Variants in SUMF1 observed in about 807,000 individuals in gnomAD.
The protein encoded by SUMF1 is sulfatase modifying factor 1.
SUMF1 carries 48 observed loss-of-function variants against 47.6 expected under a neutral mutation model. That is an observed-to-expected ratio of 1.01 (90% CI 0.80 to 1.28). SUMF1 has a LOEUF of 1.28. Among genes scored for constraint, SUMF1 ranks in the 50% most tolerant of loss-of-function variants. The pLI is 0.00. For synonymous variants in SUMF1, 230 were observed against 192.1 expected (o/e 1.20, Z -1.63); for missense variants, 571 against 485.4 (o/e 1.18, Z -1.66).
At chr3:4,184,501 C>A (rs1302893084) in intron 8 of SUMF1, among the ~76,000 whole-genome samples, 2 of 151,744 alleles carry the variant, frequency 1.3e-5, no homozygotes, top group Non-Finnish European at 2.9e-5. Context: ...GCAAAAGAGT[C>A]GATTCTTACA....
At chr3:4,461,853 T>A (rs554267000) in intron 1 of SUMF1, among the ~76,000 whole-genome samples, 1 of 152,296 alleles carries the variant, frequency 6.6e-6, no homozygotes, top group Non-Finnish European at 1.5e-5. Flanking sequence ...CAAAGCCACA[T>A]AAAAAGGACC....
chr3:4,141,481 T>C (rs1056386917), intron 8 of SUMF1, among the ~76,000 whole-genome samples: 2 of 152,100 alleles, frequency 1.3e-5, no homozygotes, highest in Non-Finnish European at 2.9e-5. Context: ...CAGGTGTGCC[T>C]GAAAATCCGA....
At chr3:4,454,643 T>C (rs1703093140) in intron 1 of SUMF1, among the ~76,000 whole-genome samples, 1 of 152,216 alleles carries the variant, frequency 6.6e-6, no homozygotes, top group Non-Finnish European at 1.5e-5. Context: ...CATAGCAGCA[T>C]TATTCATAAT....
At chr3:4,368,526 A>T (rs6777233) in intron 8 of SUMF1, among the ~76,000 whole-genome samples, 6,316 of 152,150 alleles carry the variant, frequency 0.042, 163 homozygotes, top group African/African-American at 0.064. Flanking sequence ...TGCTATAAAG[A>T]CACATGCACA....
At chr3:4,261,613 G>A (rs1056107026) in intron 8 of SUMF1, among the ~76,000 whole-genome samples, 14 of 152,194 alleles carry the variant, frequency 9.2e-5, no homozygotes, top group African/African-American at 3.4e-4. Flanking sequence ...TGTAACTGGA[G>A]CTGTGATATG....
At chr3:4,091,700 A>G (rs1355603278) in intron 8 of SUMF1, among the ~76,000 whole-genome samples, 2 of 152,128 alleles carry the variant, frequency 1.3e-5, no homozygotes, top group South Asian at 2.1e-4. Flanking sequence ...AAATTCTGCC[A>G]GACTTGGCAG....
chr3:4,251,737 C>G (rs547706856), intron 8 of SUMF1, among the ~76,000 whole-genome samples: 45 of 152,248 alleles, frequency 3.0e-4, no homozygotes, highest in Admixed American at 2.4e-3. Flanking sequence ...GCTGTTTTAC[C>G]TACATTGAAA....
intron 2 of SUMF1, among the ~76,000 whole-genome samples, chr3:4,450,515 T>C (rs1283478811): frequency 2.6e-5 from 4 of 152,190 alleles, no homozygotes; most frequent in Admixed American, 6.5e-5. Flanking sequence ...CTAAGCCATT[T>C]AGTTATTCAA....
chr3:4,247,288 A>C (rs1351407667), intron 8 of SUMF1, among the ~76,000 whole-genome samples: 1 of 152,228 alleles, frequency 6.6e-6, no homozygotes, highest in African/African-American at 2.4e-5. Context: ...TTCTTGGCCC[A>C]GTCTACTCTG....
rs139519168 is a variant in SUMF1, at chr3:4,325,236, A to C, written c.1014+51094T>G. On this transcript the variant is annotated intron_variant and NMD_transcript_variant, in intron 8 of 12. Coordinates refer to the SUMF1 transcript ENST00000448413. ...CACCCCTGTTCTTCAAAATATTTCAAAGAAAGTACTGTAGAAGAAAATAAA... is the reference window on the plus strand; with the variant it reads ...CACCCCTGTTCTTCAAAATATTTCACAGAAAGTACTGTAGAAGAAAATAAA... Among the ~76,000 whole-genome samples, 183 of 152,220 alleles carry C rather than the reference A, an allele frequency of 1.2e-3. 5 individuals are homozygous for C. The East Asian group carries it at 0.031, about 26-fold the overall frequency.
intron 7 of SUMF1, among the ~76,000 whole-genome samples, chr3:4,388,564 T>C (rs778081806): frequency 2.6e-5 from 4 of 152,078 alleles, no homozygotes; most frequent in Non-Finnish European, 4.4e-5. Context: ...TTTAATATAA[T>C]TATTGGTATG....
chr3:4,418,920 T>C (rs1209079921), intron 4 of SUMF1, among the ~76,000 whole-genome samples: 2 of 152,244 alleles, frequency 1.3e-5, no homozygotes, highest in Non-Finnish European at 2.9e-5. Flanking sequence ...TGCTCACTTT[T>C]TTAAAAGTGG....
intron 8 of SUMF1, among the ~76,000 whole-genome samples, chr3:4,246,802 CCTTT>C (rs1696682464): frequency 6.6e-6 from 1 of 152,062 alleles, no homozygotes; most frequent in Non-Finnish European, 1.5e-5. Flanking sequence ...CAAATCTTGA[CCTTT>C]CTATGTTTCC....
chr3:4,164,887 C>G (rs573477662), intron 8 of SUMF1, among the ~76,000 whole-genome samples: 15 of 152,244 alleles, frequency 9.9e-5, no homozygotes, highest in Non-Finnish European at 1.9e-4. Context: ...TAAGGCCTCC[C>G]ATAGCCACTC....
chr3:4,331,942 A>G (rs1037564314), intron 8 of SUMF1, among the ~76,000 whole-genome samples: 2 of 152,252 alleles, frequency 1.3e-5, no homozygotes, highest in African/African-American at 2.4e-5. Flanking sequence ...TAGAGATAGT[A>G]TCTAATCAAT....
chr3:4,358,836 C>G (rs1699679555), downstream of SUMF1, among the ~76,000 whole-genome samples: 1 of 152,130 alleles, frequency 6.6e-6, no homozygotes, highest in African/African-American at 2.4e-5. Flanking sequence ...CCATTAGAAG[C>G]ATATGTCCTG....
At chr3:4,137,988 C>T (rs1009012913) in intron 8 of SUMF1, among the ~76,000 whole-genome samples, 10 of 151,772 alleles carry the variant, frequency 6.6e-5, no homozygotes, top group Non-Finnish European at 1.2e-4. Context: ...ATTCAATATG[C>T]AAGATTTAAT....
At chr3:4,350,737 T>C (rs1352291648) in intron 8 of SUMF1, among the ~76,000 whole-genome samples, 1 of 152,108 alleles carries the variant, frequency 6.6e-6, no homozygotes, top group Non-Finnish European at 1.5e-5. Context: ...TCTCTTCACC[T>C]CTGCAGGTCA....
At chr3:4,101,374 T>C (rs1693029026) in intron 8 of SUMF1, among the ~76,000 whole-genome samples, 1 of 152,112 alleles carries the variant, frequency 6.6e-6, no homozygotes, top group Admixed American at 6.6e-5. Flanking sequence ...GCCTGCATTA[T>C]ATTAAGTAAA....
Sources: gnomAD v4.1 joint callset for allele counts (sites outside exome capture counted in the v4.1 genomes callset) on GRCh38, gnomAD v4.1.1 for gene constraint, MANE v1.5 for transcripts, NCBI Gene and HGNC (gene_info 2026-07-23, HGNC 2026-07-21) for gene names.